CDAN1: variants seen among roughly 807,000 people sequenced by gnomAD.
CDAN1 encodes the protein codanin 1, also known as codanin-1.
Under a neutral mutation model 139.8 loss-of-function variants are expected in CDAN1, and 107 were observed. That is an observed-to-expected ratio of 0.77 (90% CI 0.65 to 0.90). CDAN1 has a LOEUF of 0.90. CDAN1 is among the 40% of genes least tolerant of loss of function. The pLI is 0.00. For synonymous variants in CDAN1, 776 were observed against 660.6 expected (o/e 1.17, Z -2.68); for missense variants, 1,667 against 1,575.7 (o/e 1.06, Z -0.98).
At chr15:42,729,404 C>T (rs1566982722) in intron 17 of CDAN1, 42 bp from the exon 18 acceptor site, 2 of 1,613,270 alleles carry the variant, frequency 1.2e-6, no homozygotes, top group African/African-American at 1.3e-5. Flanking sequence ...AGAACCCTCT[C>T]CCCTCCCTAA....
intron 14 of CDAN1, 123 bp from the exon 15 acceptor site, chr15:42,730,338 G>A: frequency 3.0e-6 from 3 of 1,010,658 alleles, no homozygotes; most frequent in Non-Finnish European, 4.7e-6. Flanking sequence ...ATGTTGGCAA[G>A]CAGGATCCCC....
rs1405123904 is a variant in CDAN1 at position 42,724,136 on chromosome 15, C to G, written c.*355G>C. ...AGTCATTTGCCTCTGTCATGAATTC[C>G]AAGACTACAAAGTTTTAAGAGATGC... On this transcript the variant is annotated 3_prime_UTR_variant, in exon 28 of 28. Coordinates refer to ENST00000356231, the MANE Select transcript of CDAN1 (RefSeq NM_138477.4). The G allele has an allele frequency of 3.0e-6, 1 of 328,154 alleles. No homozygotes were observed. The highest frequency in any genetic ancestry group is 4.3e-5 in the Admixed American group (1 of 23,288). 20.3% of individuals were successfully genotyped at this position (328,154 alleles called of 1,614,324 possible). A position where few individuals can be genotyped will look rare whatever the true frequency, so the allele number is the denominator to read the frequency against.
chr15:42,733,904 C>A, intron 8 of CDAN1, 34 bp downstream of exon 8: 2 of 1,467,598 alleles, frequency 1.4e-6, no homozygotes, highest in South Asian at 2.3e-5. Context: ...AATGTCATCT[C>A]ATTCCCTCCC....
rs1162332278 is a variant in CDAN1, at chr15:42,724,234, T to TTGG, written c.*256_*257insCCA. The TTGG allele has an allele frequency of 4.1e-6, 2 of 490,128 alleles. No homozygotes were observed. The highest frequency in any genetic ancestry group is 7.5e-6 in the Non-Finnish European group (2 of 266,318). 30.4% of individuals were successfully genotyped at this position (490,128 alleles called of 1,614,324 possible). ...CTCATTTCATTTAGTATCCAAGAGA[T>TTGG]AAACAAACACCACCTCTTCTACTCC... On this transcript the variant is annotated 3_prime_UTR_variant, in exon 28 of 28. Coordinates refer to ENST00000356231, the MANE Select transcript of CDAN1 (RefSeq NM_138477.4).
chr15:42,725,533 TCAGCAG>T lies in CDAN1; in HGVS notation c.3400_3405del (p.Leu1134_Leu1135del). 6.2e-7 allele frequency: 1 copy of T among 1,614,142 alleles called. No individual in the cohort carries two copies. The highest frequency in any genetic ancestry group is 8.5e-7 in the Non-Finnish European group (1 of 1,180,024). ...GCCAGAAGCCCCACATTTCTTGGGC[TCAGCAG>T]CAGCTGCAGCGGAACCGGCCCCTGA... is the stretch of plus-strand genomic sequence containing the variant. On this transcript the variant is annotated inframe_deletion, in exon 26 of 28. Coordinates refer to ENST00000356231, the MANE Select transcript of CDAN1 (RefSeq NM_138477.4).
At chr15:42,725,398 A>G (rs1650674315) in intron 26 of CDAN1, 91 bp downstream of exon 26, 3 of 1,542,180 alleles carry the variant, frequency 1.9e-6, no homozygotes, top group African/African-American at 1.4e-5. Context: ...GGAAGGGGAA[A>G]TAAAGGATGC....
At position 42,725,210 on chromosome 15, in the gene CDAN1, C is replaced by G; in HGVS notation, c.3492G>C (p.Lys1164Asn). ...LLFLLRELVEKGLMGRMEIEA... is the reference protein window; with the variant it reads ...LLFLLRELVENGLMGRMEIEA... The stretch of plus-strand genomic sequence containing the variant: ...CTATCTCCATCCGTCCCATCAGACC[C>G]TTCTCCACCAGCTCCCGTAGCAAGA... The change falls in exon 27 of 28, where the codon AAG becomes AAC. Residue 1164 changes from lysine to asparagine, a missense_variant. Transcript: ENST00000356231. The G allele has an allele frequency of 6.2e-7, 1 of 1,614,252 alleles. No individual in the cohort carries two copies. Among genetic ancestry groups the G allele is most frequent in the Non-Finnish European group, 8.5e-7 (1 of 1,180,034 alleles).
At chr15:42,728,166 T>C in intron 21 of CDAN1, 38 bp downstream of exon 21, 1 of 1,610,196 alleles carries the variant, frequency 6.2e-7, no homozygotes, top group Non-Finnish European at 8.5e-7. Context: ...TCCCCACAAC[T>C]GCCTGGCCTG....
chr15:42,724,932 C>A, intron 27 of CDAN1: 1 of 642,712 alleles, frequency 1.6e-6, no homozygotes. Flanking sequence ...ATGGGCTGTG[C>A]TGCTTTCCAA....
intron 16 of CDAN1, 26 bp downstream of exon 16, chr15:42,729,770 G>A: frequency 6.2e-7 from 1 of 1,607,016 alleles, no homozygotes; most frequent in Non-Finnish European, 8.5e-7. Flanking sequence ...AGTTTCCCAT[G>A]GCTCTGGCGG....
intron 16 of CDAN1, 75 bp downstream of exon 16, chr15:42,729,721 G>A: frequency 6.3e-7 from 1 of 1,587,090 alleles, no homozygotes; most frequent in Non-Finnish European, 8.6e-7. Context: ...ATCTGCCCCT[G>A]GCTGGGCCTC....
rs973993703 is a variant in CDAN1 at position 42,730,734 on chromosome 15, G to A, written c.2038C>T (p.Leu680=). 1 of 1,612,484 alleles carries A rather than the reference G, an allele frequency of 6.2e-7. No homozygotes were observed. The highest frequency in any genetic ancestry group is 8.5e-7 in the Non-Finnish European group (1 of 1,179,320). Residue 680 remains leucine (L), a synonymous_variant, in exon 14 of 28, where the codon CTG becomes TTG. Coordinates refer to ENST00000356231, the MANE Select transcript of CDAN1 (RefSeq NM_138477.4). ...VPPVLDVRTL[L]QRGLQARRAV... is the part of the protein sequence containing the mutation. ...CGGCGGGCCTGCAGCCCTCGCTGCA[G>A]CAGAGTCCGCACATCCAGGACCGGA...
chr15:42,737,052 G>C lies in CDAN1; in HGVS notation c.51C>G (p.Ala17=). ...SLLREEVSVA[A]VVRWIARSTQ... is the part of the protein sequence containing the mutation. ...TGCTGCGCGCGATCCACCGCACGAC[G>C]GCTGCGACCGACACCTCTTCTCGCA... The change falls in exon 1 of 28, where the codon GCC becomes GCG. Residue 17 remains alanine (A), a synonymous_variant. Coordinates refer to ENST00000356231, the MANE Select transcript of CDAN1 (RefSeq NM_138477.4). 6.5e-7 allele frequency: 1 copy of C among 1,546,844 alleles called. No homozygotes were observed. The highest frequency in any genetic ancestry group is 1.2e-5 in the South Asian group (1 of 83,342).
intron 20 of CDAN1, 114 bp downstream of exon 20, chr15:42,728,535 GAGA>G: frequency 7.0e-7 from 1 of 1,426,474 alleles, no homozygotes; most frequent in Non-Finnish European, 9.8e-7. Context: ...TGGGCGCAGG[GAGA>G]AGAAAAAAGG....
chr15:42,735,336 C>T lies in CDAN1; in HGVS notation c.982G>A (p.Val328Ile), dbSNP rs144448301. The change falls in exon 5 of 28, where the codon GTC becomes ATC. Residue 328 changes from valine to isoleucine, a missense_variant. Physicochemically the swap from Val to Ile is conservative, Grantham distance 29 (BLOSUM62 3). Coordinates refer to ENST00000356231, the MANE Select transcript of CDAN1 (RefSeq NM_138477.4). ...VPNLFLELFF[V>I]FQLLTARRMV... ...CTCCGGGCAGTGAGGAGCTGAAAGACGAAGAAAAGCTCCAAGAAGAGGTTT... is the reference window on the plus strand; with the variant it reads ...CTCCGGGCAGTGAGGAGCTGAAAGATGAAGAAAAGCTCCAAGAAGAGGTTT... 1,080 of 1,609,406 alleles carry T rather than the reference C, an allele frequency of 6.7e-4. No individual in the cohort carries two copies. Among genetic ancestry groups the T allele is most frequent in the Middle Eastern group, 9.9e-4 (6 of 6,054 alleles).
In CDAN1 at chr15:42,732,371, T is replaced by C. The variant is rs2061625118; in HGVS notation, c.1495A>G (p.Ser499Gly). The change falls in exon 10 of 28, where the codon AGC becomes GGC. Residue 499 changes from serine to glycine, a missense_variant. Ser to Gly is a moderately conservative substitution (Grantham distance 56). Transcript: ENST00000356231. ...TTTTGGAAAAGCCGAACAAAGTGGC[T>C]GTGGCTGCAGGCTGCGGAGAGCTGA... is the stretch of plus-strand genomic sequence containing the variant. ...MGQLSAACSH[S>G]HFVRLFQKQL... 1.2e-6 allele frequency: 2 copies of C among 1,614,020 alleles called. No homozygotes were observed. Among genetic ancestry groups the C allele is most frequent in the Non-Finnish European group, 1.7e-6 (2 of 1,180,004 alleles).
chr15:42,730,421 T>C (rs1249698636), intron 14 of CDAN1, among the ~76,000 whole-genome samples, 177 bp downstream of exon 14: 1 of 152,206 alleles, frequency 6.6e-6, no homozygotes, highest in African/African-American at 2.4e-5. Context: ...CCAATGAAAG[T>C]GCAGATGATT....
intron 15 of CDAN1, 75 bp downstream of exon 15, chr15:42,730,053 C>A (rs768314079): frequency 1.8e-5 from 26 of 1,416,916 alleles, no homozygotes; most frequent in Non-Finnish European, 2.4e-5. Flanking sequence ...TTGCCTCATT[C>A]GCACTCAGAC....
Position 42,728,209 on chromosome 15 carries a change from C to G in CDAN1, c.2863G>C (p.Ala955Pro), listed in dbSNP as rs1026619957. ...VRALLPEETP[A>P]AVLSSAENIA... is the part of the protein sequence containing the mutation. ...CAGGCCTCCCTCACACGTACGGCTG[C>G]CGGGGTCTCCTCTGGAAGCAGCGCC... Residue 955 changes from alanine to proline, a missense_variant, in exon 21 of 28, where the codon GCA (alanine) becomes CCA (proline). By Grantham distance (27) the Ala-to-Pro change is conservative. Transcript: ENST00000356231. The G allele has an allele frequency of 1.9e-5, 31 of 1,613,502 alleles. No individual in the cohort carries two copies. The highest frequency in any genetic ancestry group is 2.4e-5 in the Non-Finnish European group (28 of 1,179,954).
Sources: gnomAD v4.1 joint callset for allele counts (sites outside exome capture counted in the v4.1 genomes callset) on GRCh38, gnomAD v4.1.1 for gene constraint, MANE v1.5 for transcripts, NCBI Gene and HGNC (gene_info 2026-07-23, HGNC 2026-07-21) for gene names.